WDFY4: variants seen among roughly 807,000 people sequenced by gnomAD.
WDFY4 encodes WDFY family member 4, also known as WD repeat- and FYVE domain-containing protein 4.
WDFY4 carries 169 observed loss-of-function variants against 351.9 expected under a neutral mutation model. The observed-to-expected ratio is 0.48, with a 90% confidence interval of 0.42 to 0.55. WDFY4 has a LOEUF of 0.55. WDFY4 is among the 20% of genes least tolerant of loss of function. WDFY4 has a pLI of 0.00. For missense variants in WDFY4, 3,803 were observed against 3,935.6 expected (o/e 0.97, Z 0.90); for synonymous variants, 1,622 against 1,574.6 (o/e 1.03, Z -0.71).
At chr10:48,700,149 C>T (rs1262375658) in intron 1 of WDFY4, among the ~76,000 whole-genome samples, 2 of 152,202 alleles carry the variant, frequency 1.3e-5, no homozygotes, top group Non-Finnish European at 2.9e-5. Context: ...CAAGGCTGGC[C>T]ATCAGCAGGC....
At chr10:48,700,402 C>A (rs192242380) in intron 1 of WDFY4, among the ~76,000 whole-genome samples, 1 of 152,388 alleles carries the variant, frequency 6.6e-6, no homozygotes, top group East Asian at 1.9e-4. Context: ...CAAGCTACTT[C>A]TATCTCCTGA....
intron 19 of WDFY4, among the ~76,000 whole-genome samples, chr10:48,785,163 A>G (rs1264337661): frequency 6.6e-6 from 1 of 152,050 alleles, no homozygotes. Context: ...CCTGGCCTTA[A>G]ACTGTTGAGT....
At chr10:48,790,659 T>C in intron 22 of WDFY4, 68 bp from the exon 23 acceptor site, 1 of 1,504,652 alleles carries the variant, frequency 6.6e-7, no homozygotes, top group South Asian at 1.3e-5. Flanking sequence ...CCTCCTGTGC[T>C]GTCGGGGAAT....
In WDFY4 at chr10:48,790,925, C is replaced by T. The variant is rs2066656825; in HGVS notation, c.4257+8C>T. On this transcript the variant is annotated splice_region_variant and intron_variant, in intron 23 of 61. Coordinates refer to ENST00000325239, the MANE Select transcript of WDFY4 (RefSeq NM_001394531.1). ...CACATCTGTGGGTACCAGGTAATCC[C>T]ATCCTCCCACCTGGAACTGAGACTC... The T allele has an allele frequency of 8.4e-6, 13 of 1,551,498 alleles. No individual in the cohort carries two copies. The highest frequency in any genetic ancestry group is 1.2e-5 in the South Asian group (1 of 84,046).
chr10:48,808,970 C>T (rs1314653637), intron 28 of WDFY4, among the ~76,000 whole-genome samples: 1 of 152,156 alleles, frequency 6.6e-6, no homozygotes, highest in Non-Finnish European at 1.5e-5. Flanking sequence ...TTTTTCATTA[C>T]TTTTAATGCC....
chr10:48,899,689 G>T (rs926416637), intron 45 of WDFY4, among the ~76,000 whole-genome samples: 1 of 152,196 alleles, frequency 6.6e-6, no homozygotes, highest in African/African-American at 2.4e-5. Context: ...AAAAAGAAAA[G>T]ATAGTTATGT....
chr10:48,842,382 A>G (rs569889437), intron 39 of WDFY4, among the ~76,000 whole-genome samples: 382 of 152,164 alleles, frequency 2.5e-3, no homozygotes, highest in Admixed American at 5.2e-3. Flanking sequence ...TCCTCACTGC[A>G]GGGAATGGTC....
intron 13 of WDFY4, among the ~76,000 whole-genome samples, chr10:48,773,843 T>C (rs2065943793): frequency 6.6e-6 from 1 of 152,218 alleles, no homozygotes; most frequent in South Asian, 2.1e-4. Context: ...GTATGTTTGG[T>C]AAGTGGTACT....
intron 1 of WDFY4, among the ~76,000 whole-genome samples, chr10:48,705,048 C>A (rs560895150): frequency 7.9e-5 from 12 of 152,186 alleles, no homozygotes; most frequent in Non-Finnish European, 1.8e-4. Flanking sequence ...CCACTGTGTT[C>A]AAACCCCAGC....
chr10:48,711,128 T>C (rs542922748), intron 2 of WDFY4, among the ~76,000 whole-genome samples: 1 of 152,364 alleles, frequency 6.6e-6, no homozygotes, highest in Admixed American at 6.5e-5. Flanking sequence ...TTCCTCTAAC[T>C]TATTCATCAG....
intron 1 of WDFY4, among the ~76,000 whole-genome samples, chr10:48,695,279 G>C (rs368260626): frequency 6.6e-6 from 1 of 152,168 alleles, no homozygotes; most frequent in Non-Finnish European, 1.5e-5. Flanking sequence ...TGTGAGCTGC[G>C]GGCAGACAGC....
At chr10:48,876,332 C>T (rs369533467) in intron 42 of WDFY4, among the ~76,000 whole-genome samples, 3 of 152,218 alleles carry the variant, frequency 2.0e-5, no homozygotes, top group African/African-American at 7.2e-5. Flanking sequence ...AAACCAGACC[C>T]TTATCCCAGA....
intron 47 of WDFY4, among the ~76,000 whole-genome samples, chr10:48,937,932 A>G (rs1038741938): frequency 1.3e-5 from 2 of 152,116 alleles, no homozygotes; most frequent in East Asian, 3.9e-4. Flanking sequence ...TACCCCTGCC[A>G]CACTCTGCCC....
At chr10:48,872,456 A>G (rs912818184) in intron 40 of WDFY4, among the ~76,000 whole-genome samples, 5 of 152,188 alleles carry the variant, frequency 3.3e-5, no homozygotes, top group Admixed American at 6.5e-5. Flanking sequence ...GGGTAGAGGA[A>G]ATGAGATAAA....
At chr10:48,693,638 C>T (rs977278401) in intron 1 of WDFY4, among the ~76,000 whole-genome samples, 2 of 152,152 alleles carry the variant, frequency 1.3e-5, no homozygotes, top group Non-Finnish European at 2.9e-5. Context: ...CTGGCAGACA[C>T]CTCTTTAAGG....
In WDFY4 at chr10:48,817,282, C is replaced by A. The variant is rs1173996536; in HGVS notation, c.5378C>A (p.Thr1793Asn). ...TCTGAGGATGGTGCCTGGGCACAGA[C>A]CTTCCCGGCCAGCGTGCTGCAGTTC... ...AGSEDGAWAQ[T>N]FPASVLQFLS... The change falls in exon 32 of 62, where the codon ACC becomes AAC. Residue 1793 changes from threonine to asparagine, a missense_variant. By Grantham distance (65) the Thr-to-Asn change is moderately conservative. Transcript: ENST00000325239. 3.9e-6 allele frequency: 6 copies of A among 1,551,742 alleles called. No homozygotes were observed. Among genetic ancestry groups the A allele is most frequent in the South Asian group, 1.2e-5 (1 of 84,062 alleles).
chr10:48,809,562 T>G (rs904341259), intron 28 of WDFY4, among the ~76,000 whole-genome samples: 1 of 140,818 alleles, frequency 7.1e-6, no homozygotes, highest in Non-Finnish European at 1.6e-5. Context: ...ACCACCATCA[T>G]CAACATCATC....
At chr10:48,939,703 T>A (rs1371688548) in intron 47 of WDFY4, among the ~76,000 whole-genome samples, 1 of 152,228 alleles carries the variant, frequency 6.6e-6, no homozygotes. Context: ...CACCTTCAGA[T>A]TAATATGATT....
chr10:48,909,086 T>C (rs1402485792), intron 47 of WDFY4, among the ~76,000 whole-genome samples: 1 of 152,240 alleles, frequency 6.6e-6, no homozygotes, highest in Admixed American at 6.5e-5. Context: ...ATTCAAGTTG[T>C]TGCATGTATC....
Sources: gnomAD v4.1 joint callset for allele counts (sites outside exome capture counted in the v4.1 genomes callset) on GRCh38, gnomAD v4.1.1 for gene constraint, MANE v1.5 for transcripts, NCBI Gene and HGNC (gene_info 2026-07-23, HGNC 2026-07-21) for gene names.